Variants in MCMBP observed in about 807,000 individuals in gnomAD.
The protein encoded by MCMBP is minichromosome maintenance complex binding protein, also known as mini-chromosome maintenance complex-binding protein.
A neutral mutation model predicts 81.3 loss-of-function variants in MCMBP; 31 were observed. The observed-to-expected ratio is 0.38, with a 90% CI of 0.29 to 0.51. The LOEUF is 0.51. MCMBP is among the 20% of genes least tolerant of loss of function. MCMBP has a pLI of 0.87. For missense variants in MCMBP, 645 were observed against 772.1 expected (o/e 0.84, Z 1.95); for synonymous variants, 267 against 275.9 (o/e 0.97, Z 0.32).
chr10:119,860,184 A>G (rs1853203402), intron 1 of MCMBP, among the ~76,000 whole-genome samples: 2 of 152,202 alleles, frequency 1.3e-5, no homozygotes, highest in African/African-American at 4.8e-5. Context: ...AGAATGTGCT[A>G]CAAGGCCACC....
At chr10:119,837,055 G>C (rs762514205) in intron 12 of MCMBP, 26 bp from the exon 13 acceptor site, 5 of 1,608,126 alleles carry the variant, frequency 3.1e-6, no homozygotes, top group East Asian at 2.2e-5. Context: ...AACACTTTCA[G>C]TCATTTGACT....
Position 119,830,528 on chromosome 10 carries a change from C to CCCCCTTTAGAAAGTTTTTAT in MCMBP, c.*945_*946insATAAAAACTTTCTAAAGGGG. On this transcript the variant is annotated 3_prime_UTR_variant, in exon 16 of 16. Coordinates refer to ENST00000369077, the MANE Select transcript of MCMBP (RefSeq NM_001256378.2). ...TCAATGACATTTAAGAAAATAAAAACTTTCTAAAGGGGGTATTGCTTTTTA... is the reference window on the plus strand; with the variant it reads ...TCAATGACATTTAAGAAAATAAAAACCCCCTTTAGAAAGTTTTTATTTTCTAAAGGGGGTATTGCTTTTTA... 1 of 152,268 alleles carries CCCCCTTTAGAAAGTTTTTAT rather than the reference C, an allele frequency of 6.6e-6. No homozygotes were observed. Among genetic ancestry groups the CCCCCTTTAGAAAGTTTTTAT allele is most frequent in the Middle Eastern group, 3.4e-3 (1 of 294 alleles). The allele number at this position is 152,268 out of a possible 1,614,324, so 9.4% of individuals were successfully genotyped here.
chr10:119,853,335 C>A, intron 5 of MCMBP, 141 bp from the exon 6 acceptor site: 1 of 795,510 alleles, frequency 1.3e-6, no homozygotes, highest in Non-Finnish European at 2.0e-6. Context: ...GCTAGACTTC[C>A]AGTTCTGGTC....
chr10:119,857,368 C>T lies in MCMBP; in HGVS notation c.399G>A (p.Pro133=), dbSNP rs746315812. 1.9e-5 allele frequency: 30 copies of T among 1,609,800 alleles called. No homozygotes were observed. Among genetic ancestry groups the T allele is most frequent in the African/African-American group, 2.7e-5 (2 of 74,776 alleles). ...TLERQTFYCV[P]VPGESTWVKE... The stretch of plus-strand genomic sequence containing the variant: ...TTACCCACGTAGATTCCCCAGGCAC[C>T]GGAACACAATAGAAAGTCTGTCTTT... The change falls in exon 5 of 16, where the codon CCG becomes CCA. Residue 133 remains proline, a synonymous_variant. Coordinates refer to ENST00000369077, the MANE Select transcript of MCMBP (RefSeq NM_001256378.2).
chr10:119,843,207 T>G, intron 9 of MCMBP, 47 bp downstream of exon 9: 5 of 1,607,784 alleles, frequency 3.1e-6, no homozygotes, highest in Non-Finnish European at 4.3e-6. Context: ...CTGGACACAC[T>G]GAGGCTAACA....
At chr10:119,842,689 T>C in intron 9 of MCMBP, 94 bp from the exon 10 acceptor site, 1 of 1,381,660 alleles carries the variant, frequency 7.2e-7, no homozygotes, top group Non-Finnish European at 9.8e-7. Context: ...AAAGCACAAT[T>C]CAGTCGACAG....
At chr10:119,838,208 T>C (rs1206929812) in intron 12 of MCMBP, among the ~76,000 whole-genome samples, 1 of 149,002 alleles carries the variant, frequency 6.7e-6, no homozygotes, top group African/African-American at 2.4e-5. Context: ...CTTTATATTA[T>C]TGCTCCATTA....
chr10:119,860,877 TG>T (rs1450858960), intron 1 of MCMBP, among the ~76,000 whole-genome samples: 1 of 152,226 alleles, frequency 6.6e-6, no homozygotes, highest in Non-Finnish European at 1.5e-5. Context: ...TGAAAAGACA[TG>T]ATGTCCATCT....
rs1384796398 is a variant in MCMBP at position 119,834,688 on chromosome 10, C to A, written c.1707+852G>T. 2.3e-4 allele frequency among the ~76,000 whole-genome samples: 34 copies of A among 150,996 alleles called. 1 individual carries two copies. The highest frequency in any genetic ancestry group is 2.2e-3 in the Admixed American group (34 of 15,154). The stretch of plus-strand genomic sequence containing the variant: ...AACACACACACACACCCAAACAAAA[C>A]AAAAAAACCCAAAAAACAAAGAATT... On this transcript the variant is annotated intron_variant, in intron 14 of 15. Transcript: ENST00000369077.
chr10:119,841,324 T>A (rs566697781), intron 10 of MCMBP, among the ~76,000 whole-genome samples: 3 of 152,230 alleles, frequency 2.0e-5, no homozygotes, highest in Non-Finnish European at 4.4e-5. Context: ...TCCGGGTAGT[T>A]TGGTTCCAGA....
chr10:119,843,455 A>G, intron 8 of MCMBP, 29 bp from the exon 9 acceptor site: 1 of 1,600,478 alleles, frequency 6.2e-7, no homozygotes, highest in South Asian at 1.1e-5. Flanking sequence ...GTTTCAATTT[A>G]GAGAGACATC....
intron 15 of MCMBP, 83 bp from the exon 16 acceptor site, chr10:119,831,683 G>C (rs1852042428): frequency 6.7e-7 from 1 of 1,495,168 alleles, no homozygotes; most frequent in Non-Finnish European, 9.1e-7. Flanking sequence ...GGAATACTTT[G>C]TGAAAACACA....
At chr10:119,853,783 G>T (rs147597255) in intron 5 of MCMBP, among the ~76,000 whole-genome samples, 4 of 152,344 alleles carry the variant, frequency 2.6e-5, no homozygotes, top group African/African-American at 9.6e-5. Flanking sequence ...GGAGACTCTG[G>T]AAGTAGTATA....
At chr10:119,853,881 C>CAACAA (rs953247215) in intron 5 of MCMBP, among the ~76,000 whole-genome samples, 2 of 152,082 alleles carry the variant, frequency 1.3e-5, no homozygotes, top group Non-Finnish European at 2.9e-5. Flanking sequence ...ATCTACTGTT[C>CAACAA]AACAAGGGCT....
At position 119,840,837 on chromosome 10, in the gene MCMBP, T is replaced by A; in HGVS notation, c.1242+6A>T. On this transcript the variant is annotated splice_donor_region_variant and intron_variant, in intron 11 of 15. Coordinates refer to ENST00000369077, the MANE Select transcript of MCMBP (RefSeq NM_001256378.2). ...GGTTTATAATACATATTTATATTCA[T>A]CTTACTGCTGGAACAAGATGTTGAA... 1 of 1,542,682 alleles carries A rather than the reference T, an allele frequency of 6.5e-7. No individual in the cohort carries two copies. Among genetic ancestry groups the A allele is most frequent in the East Asian group, 2.3e-5 (1 of 44,084 alleles).
At chr10:119,861,067 A>G (rs889001040) in intron 1 of MCMBP, among the ~76,000 whole-genome samples, 1 of 152,242 alleles carries the variant, frequency 6.6e-6, no homozygotes, top group African/African-American at 2.4e-5. Context: ...TAAAACCACC[A>G]AACCACACAG....
At chr10:119,857,247 A>T in intron 5 of MCMBP, 91 bp downstream of exon 5, 1 of 923,824 alleles carries the variant, frequency 1.1e-6, no homozygotes, top group Non-Finnish European at 1.6e-6. Flanking sequence ...ACACTTTATT[A>T]AAATAAAGCC....
intron 13 of MCMBP, among the ~76,000 whole-genome samples, chr10:119,835,994 C>A (rs539880648): frequency 4.6e-5 from 7 of 152,250 alleles, no homozygotes; most frequent in African/African-American, 1.7e-4. Context: ...CGCCACCATG[C>A]CTGACTAATT....
In MCMBP at chr10:119,830,005, TAAGG is replaced by T. The variant is rs1851946973; in HGVS notation, c.*1465_*1468del. The T allele has an allele frequency of 6.6e-6, 1 of 152,626 alleles. No individual in the cohort carries two copies. The highest frequency in any genetic ancestry group is 1.5e-5 in the Non-Finnish European group (1 of 68,040). 9.5% of individuals were successfully genotyped at this position (152,626 alleles called of 1,614,324 possible). A position where few individuals can be genotyped will look rare whatever the true frequency, so the allele number is the denominator to read the frequency against. On this transcript the variant is annotated 3_prime_UTR_variant, in exon 16 of 16. Coordinates refer to ENST00000369077, the MANE Select transcript of MCMBP (RefSeq NM_001256378.2). ...AGCCTTCATTTTATTTCTAAAAGTT[TAAGG>T]AAGGTCTAGTCTACCAGTTATAAAA...
Sources: allele counts gnomAD v4.1 joint callset (sites outside exome capture counted in the v4.1 genomes callset), GRCh38; gene constraint gnomAD v4.1.1; transcripts MANE v1.5; gene names NCBI Gene and HGNC (gene_info 2026-07-23, HGNC 2026-07-21).